Variants in MINDY2 observed in about 807,000 individuals in gnomAD.
MINDY2 encodes ubiquitin carboxyl-terminal hydrolase MINDY-2.
Under a neutral mutation model 68.2 loss-of-function variants are expected in MINDY2, and 52 were observed. That is an observed-to-expected ratio of 0.76 (90% CI 0.61 to 0.96). MINDY2 has a LOEUF of 0.96. Among genes scored for constraint, MINDY2 ranks in the 40% least tolerant of loss-of-function variants. The pLI, the probability that MINDY2 is intolerant of heterozygous loss-of-function variation, is 0.00. For synonymous variants in MINDY2, 372 were observed against 303.0 expected (o/e 1.23, Z -2.36); for missense variants, 881 against 773.4 (o/e 1.14, Z -1.65).
chr15:58,817,549 C>A, intron 4 of MINDY2: 1 of 152,266 alleles, frequency 6.6e-6, no homozygotes, highest in Non-Finnish European at 1.5e-5. Flanking sequence ...CATGGTGAAA[C>A]CTTGTCTCTA....
intron 3 of MINDY2, among the ~76,000 whole-genome samples, chr15:58,803,662 A>G (rs1902822396): frequency 6.6e-6 from 1 of 151,996 alleles, no homozygotes; most frequent in Non-Finnish European, 1.5e-5. Context: ...CTAAAAATAC[A>G]AAAATTGGCC....
At chr15:58,786,854 A>G (rs1274097562) in intron 1 of MINDY2, among the ~76,000 whole-genome samples, 1 of 152,006 alleles carries the variant, frequency 6.6e-6, no homozygotes, top group African/African-American at 2.4e-5. Flanking sequence ...ATTGAGATGG[A>G]GTTTCACTCT....
Position 58,821,755 on chromosome 15 carries a change from C to T in MINDY2, c.1161C>T (p.Tyr387=), listed in dbSNP as rs1489165805. 1 of 1,590,810 alleles carries T rather than the reference C, an allele frequency of 6.3e-7. No homozygotes were observed. Among genetic ancestry groups the T allele is most frequent in the Non-Finnish European group, 8.5e-7 (1 of 1,172,204 alleles). The change falls in exon 5 of 9, where the codon TAC becomes TAT. Residue 387 remains tyrosine, a synonymous_variant. Transcript: ENST00000559228. ...TAAAAGCTGTTGGTAACTGCAGCTA[C>T]AACCAACTAGTGGAGAAGATCATCT... ...DIVKAVGNCS[Y]NQLVEKIISC...
At position 58,771,950 on chromosome 15, in the gene MINDY2, T is replaced by TC; in HGVS notation, c.558dup (p.Ser187GlnfsTer2). 1 of 1,556,404 alleles carries TC rather than the reference T, an allele frequency of 6.4e-7. No homozygotes were observed. On this transcript the variant is annotated frameshift_variant, in exon 1 of 9. Transcript: ENST00000559228. LOFTEE classifies it high-confidence loss of function. Reference sequence around the variant, plus strand: ...AGTCGTTCTCTAACCTGCATTCTTTTCCCAGTAGCTGCGAGTTCAATAGTG... The same window carrying TC: ...AGTCGTTCTCTAACCTGCATTCTTTTCCCCAGTAGCTGCGAGTTCAATAGTG...
chr15:58,852,955 T>G (rs1427716389), intron 8 of MINDY2, among the ~76,000 whole-genome samples: 871 of 44,768 alleles, frequency 0.019, 103 homozygotes, highest in African/African-American at 0.054. Flanking sequence ...TTTTTTTTTT[T>G]TTTTTTTTTT....
chr15:58,801,307 A>G (rs1195886180), intron 2 of MINDY2, among the ~76,000 whole-genome samples: 1 of 144,062 alleles, frequency 6.9e-6, no homozygotes, highest in Admixed American at 7.1e-5. Context: ...AAGAAAAGAT[A>G]GGCCAGGAAC....
At chr15:58,773,896 A>T (rs913740512) in intron 1 of MINDY2, among the ~76,000 whole-genome samples, 1 of 152,212 alleles carries the variant, frequency 6.6e-6, no homozygotes, top group African/African-American at 2.4e-5. Context: ...AGAATAATGA[A>T]AAATAAGGTT....
At position 58,859,510 on chromosome 15, in the gene MINDY2, T is replaced by C. The variant is rs1220392535; in HGVS notation, c.*4900T>C. On this transcript the variant is annotated 3_prime_UTR_variant, in exon 9 of 9. Transcript: ENST00000559228. ...AGAATCTTAGCGTTCTTAAGTTCTC[T>C]GATAATTTAGTATATTTTATTAATG... 6.6e-6 allele frequency: 1 copy of C among 152,202 alleles called. No individual in the cohort carries two copies. Among genetic ancestry groups the C allele is most frequent in the African/African-American group, 2.4e-5 (1 of 41,458 alleles). 9.4% of individuals were successfully genotyped at this position (152,202 alleles called of 1,614,324 possible).
intron 1 of MINDY2, among the ~76,000 whole-genome samples, chr15:58,776,510 A>G (rs1900782788): frequency 6.6e-6 from 1 of 152,228 alleles, no homozygotes; most frequent in Non-Finnish European, 1.5e-5. Flanking sequence ...GAATGTAATA[A>G]AAATGTAGTA....
Position 58,831,901 on chromosome 15 carries a change from C to T in MINDY2, c.1353C>T (p.Thr451=), listed in dbSNP as rs770755113. ...TCTTTCGGAATAATCATTTTAGCAC[C>T]ATGACCAAATACAAGGTATGATATA... ...CVFFRNNHFS[T]MTKYKGQLYL... Residue 451 remains threonine (T), a synonymous_variant, in exon 6 of 9, where the codon ACC becomes ACT. Transcript: ENST00000559228. 6.2e-7 allele frequency: 1 copy of T among 1,612,352 alleles called. No individual in the cohort carries two copies. The highest frequency in any genetic ancestry group is 1.1e-5 in the South Asian group (1 of 90,680).
intron 1 of MINDY2, among the ~76,000 whole-genome samples, chr15:58,774,338 G>A (rs1283549084): frequency 6.6e-6 from 1 of 151,992 alleles, no homozygotes; most frequent in African/African-American, 2.4e-5. Flanking sequence ...CAAAAAATTA[G>A]ACGGGCATGG....
intron 1 of MINDY2, among the ~76,000 whole-genome samples, chr15:58,773,253 C>G (rs1354915787): frequency 1.3e-5 from 2 of 152,036 alleles, no homozygotes; most frequent in Non-Finnish European, 2.9e-5. Flanking sequence ...AAGTTTGAGA[C>G]CAGCCTGGGC....
At position 58,854,512 on chromosome 15, in the gene MINDY2, A is replaced by C. The variant is rs2032988208; in HGVS notation, c.1768A>C (p.Ser590Arg). 6.2e-7 allele frequency: 1 copy of C among 1,613,922 alleles called. No individual in the cohort carries two copies. The highest frequency in any genetic ancestry group is 8.5e-7 in the Non-Finnish European group (1 of 1,179,946). The change falls in exon 9 of 9, where the codon AGT becomes CGT. Residue 590 changes from serine to arginine, a missense_variant. By Grantham distance (110) the Ser-to-Arg change is moderately radical. Coordinates refer to ENST00000559228, the MANE Select transcript of MINDY2 (RefSeq NM_001040450.3). ...QGQPAQASPS[S>R]GRQSGNSERK... ...CCAGCCAGCACAAGCCTCTCCATCA[A>C]GTGGAAGACAATCTGGGAATAGTGA... is the stretch of plus-strand genomic sequence containing the variant.
chr15:58,833,126 A>ACATAGATTT lies in MINDY2; in HGVS notation c.1368+1212_1368+1220dup, dbSNP rs1420364844. Reference sequence around the variant, plus strand: ...TTAGTTCAGAAGTTTGTCAACTTATACATAGATTTCTTCAGTAGTACAGTA... The same window carrying ACATAGATTT: ...TTAGTTCAGAAGTTTGTCAACTTATACATAGATTTCATAGATTTCTTCAGTAGTACAGTA... On this transcript the variant is annotated intron_variant, in intron 6 of 8. Transcript: ENST00000559228. Among the ~76,000 whole-genome samples, 10 of 152,202 alleles carry ACATAGATTT rather than the reference A, an allele frequency of 6.6e-5. No individual in the cohort carries two copies. The East Asian group carries it at 1.9e-3, about 29-fold the overall frequency.
chr15:58,831,700 C>T lies in MINDY2; in HGVS notation c.1226-74C>T, dbSNP rs1465498605. 2.1e-6 allele frequency: 3 copies of T among 1,398,726 alleles called. No individual in the cohort carries two copies. In the African/African-American group the frequency reaches 4.4e-5, roughly 20 times the overall value. The allele number at this position is 1,398,726 out of a possible 1,614,324, so 86.6% of individuals were successfully genotyped here. A position where few individuals can be genotyped will look rare whatever the true frequency, so the allele number is the denominator to read the frequency against. ...GGCCTTTTTCCATACTTGGAACACA[C>T]TTTAAATAGAAAAAGAATAACTTTT... On this transcript the variant is annotated intron_variant, in intron 5 of 8. Transcript: ENST00000559228.
intron 6 of MINDY2, among the ~76,000 whole-genome samples, chr15:58,839,600 G>A (rs2032179697): frequency 6.6e-6 from 1 of 151,970 alleles, no homozygotes; most frequent in Non-Finnish European, 1.5e-5. Context: ...CCAAAGTGCT[G>A]AGATTACAGG....
At chr15:58,839,712 C>T (rs1376423605) in intron 6 of MINDY2, among the ~76,000 whole-genome samples, 1 of 152,098 alleles carries the variant, frequency 6.6e-6, no homozygotes, top group Non-Finnish European at 1.5e-5. Flanking sequence ...GTACAGCAAA[C>T]CATTGAAAAG....
In MINDY2 at chr15:58,803,340, C is replaced by T. The variant is rs9788774; in HGVS notation, c.963+963C>T. Among the ~76,000 whole-genome samples, 712 of 151,790 alleles carry T rather than the reference C, an allele frequency of 4.7e-3. 6 individuals are homozygous for T. Among genetic ancestry groups the T allele is most frequent in the East Asian group, 0.027 (141 of 5,140 alleles). ...AAAATTAGCTGGGCATGGTGATGCG[C>T]GCCTGTAGTCCCAGCTAGTCGTGAG... On this transcript the variant is annotated intron_variant, in intron 3 of 8. Coordinates refer to ENST00000559228, the MANE Select transcript of MINDY2 (RefSeq NM_001040450.3).
At chr15:58,806,106 C>T (rs1043017051) in intron 3 of MINDY2, among the ~76,000 whole-genome samples, 1 of 152,194 alleles carries the variant, frequency 6.6e-6, no homozygotes, top group African/African-American at 2.4e-5. Flanking sequence ...CAAAGTCTCC[C>T]TCTGTTGTAC....
Sources: allele counts gnomAD v4.1 joint callset (sites outside exome capture counted in the v4.1 genomes callset), GRCh38; gene constraint gnomAD v4.1.1; transcripts MANE v1.5; gene names NCBI Gene and HGNC (gene_info 2026-07-23, HGNC 2026-07-21).